The following ANKS1B variants were observed in gnomAD, a reference collection of about 807,000 sequenced individuals.
ANKS1B encodes ankyrin repeat and sterile alpha motif domain-containing protein 1B.
Under a neutral mutation model 148.3 loss-of-function variants are expected in ANKS1B, and 36 were observed. That is an observed-to-expected ratio of 0.24 (90% CI 0.19 to 0.32). The LOEUF is 0.32. ANKS1B is among the 10% of genes least tolerant of loss of function. The pLI is 1.00. For missense variants in ANKS1B, 1,157 were observed against 1,542.6 expected (o/e 0.75, Z 4.19); for synonymous variants, 542 against 560.8 (o/e 0.97, Z 0.47).
intron 9 of ANKS1B, among the ~76,000 whole-genome samples, chr12:99,616,519 T>C (rs181528381): frequency 6.8e-4 from 104 of 152,146 alleles, no homozygotes; most frequent in African/African-American, 2.5e-3. Context: ...TCAACAAGCC[T>C]GAAAAAAACA....
Position 98,806,091 on chromosome 12 carries a change from C to T in ANKS1B, c.3141+1753G>A, listed in dbSNP as rs922400707. Among the ~76,000 whole-genome samples, 17 of 152,292 alleles carry T rather than the reference C, an allele frequency of 1.1e-4. No homozygotes were observed. The South Asian group carries it at 1.4e-3, about 13-fold the overall frequency. On this transcript the variant is annotated intron_variant, in intron 20 of 26. Transcript: ENST00000683438. ...TTCACCATGTTGGCCAGGCTGGTCT[C>T]GAACTCCTGGCCTCAAGTGATCCAC...
intron 12 of ANKS1B, among the ~76,000 whole-genome samples, chr12:99,279,513 T>C (rs185145982): frequency 6.6e-6 from 1 of 152,256 alleles, no homozygotes; most frequent in East Asian, 1.9e-4. Context: ...AGTTTCTCTC[T>C]CTATAGATTT....
At chr12:98,954,139 A>G (rs1245603853) in intron 17 of ANKS1B, among the ~76,000 whole-genome samples, 1 of 152,226 alleles carries the variant, frequency 6.6e-6, no homozygotes, top group African/African-American at 2.4e-5. Flanking sequence ...GAAGTGATGC[A>G]TGAAACACTT....
rs563120932 is a variant in ANKS1B, at chr12:99,715,577, C to G, written c.1128+57345G>C. ...AAGCCAGTTTGGTGGTCTCTTCACA[C>G]GGATGCGCATGAAATTTGGTGCCGT... On this transcript the variant is annotated intron_variant, in intron 8 of 26. Transcript: ENST00000683438. 8.5e-5 allele frequency among the ~76,000 whole-genome samples: 13 copies of G among 152,290 alleles called. No homozygotes were observed. In the South Asian group the frequency reaches 1.0e-3, roughly 12 times the overall value.
At chr12:98,738,349 C>T (rs2097783188) in intron 9 of ANKS1B, among the ~76,000 whole-genome samples, 1 of 152,198 alleles carries the variant, frequency 6.6e-6, no homozygotes, top group Admixed American at 6.5e-5. Flanking sequence ...CTGTAATTTC[C>T]ATCACCCAGG....
At chr12:99,607,045 A>G (rs2153323628) in intron 9 of ANKS1B, among the ~76,000 whole-genome samples, 1 of 152,212 alleles carries the variant, frequency 6.6e-6, no homozygotes, top group South Asian at 2.1e-4. Flanking sequence ...GACAGCTGTG[A>G]AGACAATGCC....
intron 1 of ANKS1B, among the ~76,000 whole-genome samples, chr12:99,923,129 T>C (rs2094403111): frequency 6.6e-6 from 1 of 152,184 alleles, no homozygotes; most frequent in Non-Finnish European, 1.5e-5. Flanking sequence ...GTAACTCACC[T>C]AATATGGCTT....
intron 17 of ANKS1B, among the ~76,000 whole-genome samples, chr12:99,005,208 G>A (rs1287768572): frequency 3.3e-5 from 5 of 152,166 alleles, no homozygotes; most frequent in South Asian, 2.1e-4. Flanking sequence ...GAACAAATGC[G>A]GGAGCGTAGC....
intron 10 of ANKS1B, among the ~76,000 whole-genome samples, chr12:99,451,627 G>C (rs1345270140): frequency 6.6e-6 from 1 of 152,146 alleles, no homozygotes; most frequent in East Asian, 1.9e-4. Flanking sequence ...TATTCATGGA[G>C]GAAATGCTAA....
intron 11 of ANKS1B, among the ~76,000 whole-genome samples, chr12:99,429,991 A>T (rs1165608679): frequency 6.6e-6 from 1 of 151,894 alleles, no homozygotes; most frequent in Non-Finnish European, 1.5e-5. Flanking sequence ...AAAATAAAAA[A>T]TAACACACCA....
intron 11 of ANKS1B, among the ~76,000 whole-genome samples, chr12:99,411,982 C>T (rs762583404): frequency 1.3e-5 from 2 of 152,176 alleles, no homozygotes; most frequent in African/African-American, 4.8e-5. Flanking sequence ...TCTGGGGATA[C>T]ATCAATGAAC....
rs143540791 is a variant in ANKS1B at position 98,990,419 on chromosome 12, G to A, written c.2778+62738C>T. ...CTCCTTTCAAAAAAATGAGGCTGAT[G>A]GAAAATTCAAGAGTCAATGTTTTTT... On this transcript the variant is annotated intron_variant, in intron 17 of 26. Transcript: ENST00000683438. Among the ~76,000 whole-genome samples, 570 of 151,736 alleles carry A rather than the reference G, an allele frequency of 3.8e-3. 2 individuals carry two copies. The highest frequency in any genetic ancestry group is 0.01 in the Middle Eastern group (3 of 294).
At chr12:99,310,047 G>A (rs117972334) in intron 12 of ANKS1B, among the ~76,000 whole-genome samples, 3,088 of 152,176 alleles carry the variant, frequency 0.02, 73 homozygotes, top group Middle Eastern at 0.024. Context: ...AGAAAACCAA[G>A]TTTCTTACCT....
intron 1 of ANKS1B, among the ~76,000 whole-genome samples, chr12:99,945,961 C>T (rs1198229349): frequency 6.6e-6 from 1 of 152,102 alleles, no homozygotes; most frequent in African/African-American, 2.4e-5. Flanking sequence ...TCACTTGTTA[C>T]CATGGAGGTG....
chr12:99,752,936 C>T (rs757622883), intron 8 of ANKS1B, among the ~76,000 whole-genome samples: 3 of 152,004 alleles, frequency 2.0e-5, no homozygotes, highest in Non-Finnish European at 4.4e-5. Flanking sequence ...TAGTCATAGT[C>T]ATACCCTGAG....
rs991197019 is a variant in ANKS1B at position 98,744,634 on chromosome 12, T to C, written c.*1105A>G. 2.3e-6 allele frequency: 2 copies of C among 853,776 alleles called. No individual in the cohort carries two copies. The highest frequency in any genetic ancestry group is 6.2e-5 in the Admixed American group (1 of 16,096). The allele number at this position is 853,776 out of a possible 1,614,324, so 52.9% of individuals were successfully genotyped here. On this transcript the variant is annotated 3_prime_UTR_variant, in exon 27 of 27. Coordinates refer to ENST00000683438, the MANE Select transcript of ANKS1B (RefSeq NM_001352186.2). ...TTTAATCAAATAGTAAGCAAACTTT[T>C]TTTTTGTTTGTCTCAAGAAAAGTTT... is the stretch of plus-strand genomic sequence containing the variant.
chr12:99,134,892 C>G (rs896806561), intron 15 of ANKS1B, among the ~76,000 whole-genome samples: 1 of 152,086 alleles, frequency 6.6e-6, no homozygotes, highest in Admixed American at 6.5e-5. Flanking sequence ...CACAGAATTT[C>G]CAGTTTGCTT....
intron 15 of ANKS1B, among the ~76,000 whole-genome samples, chr12:99,106,613 GAT>G (rs887857652): frequency 2.0e-5 from 3 of 152,082 alleles, no homozygotes; most frequent in Non-Finnish European, 4.4e-5. Context: ...CTATTTATGG[GAT>G]ATATGTGATA....
chr12:99,021,186 C>T (rs2099945605), intron 17 of ANKS1B, among the ~76,000 whole-genome samples: 1 of 152,124 alleles, frequency 6.6e-6, no homozygotes, highest in South Asian at 2.1e-4. Context: ...TTCATGTCTA[C>T]ATTTCCAAAG....
Sources: allele counts gnomAD v4.1 joint callset (sites outside exome capture counted in the v4.1 genomes callset), GRCh38; gene constraint gnomAD v4.1.1; transcripts MANE v1.5; gene names NCBI Gene and HGNC (gene_info 2026-07-23, HGNC 2026-07-21).